Variants in DTNA observed in about 807,000 individuals in gnomAD.
DTNA encodes dystrophin-related protein 3.
Under a neutral mutation model 100.7 loss-of-function variants are expected in DTNA, and 43 were observed. The observed-to-expected ratio is 0.43, with a 90% confidence interval of 0.33 to 0.55. The LOEUF is 0.55. Among genes scored for constraint, DTNA ranks in the 20% least tolerant of loss-of-function variants. DTNA has a pLI of 0.04. For missense variants in DTNA, 798 were observed against 953.9 expected, an observed-to-expected ratio of 0.84 and a Z score of 2.15; for synonymous variants, 349 against 347.9, an observed-to-expected ratio of 1.00 and a Z score of -0.04.
intron 1 of DTNA, among the ~76,000 whole-genome samples, chr18:34,631,549 C>CA (rs1224271564): frequency 6.6e-6 from 1 of 151,906 alleles, no homozygotes; most frequent in Non-Finnish European, 1.5e-5. Flanking sequence ...TTGCAGAAAA[C>CA]AAAAAAGCAA....
chr18:34,745,570 T>C (rs1296969517), intron 1 of DTNA, among the ~76,000 whole-genome samples: 2 of 152,220 alleles, frequency 1.3e-5, no homozygotes, highest in East Asian at 3.8e-4. Flanking sequence ...TTGGGTTGTG[T>C]ATCCAGGTAT....
intron 15 of DTNA, 141 bp from the exon 16 acceptor site, chr18:34,858,144 T>C: frequency 1.3e-6 from 1 of 751,006 alleles, no homozygotes. Flanking sequence ...CACTGGAATC[T>C]GTTGGTTAGG....
chr18:34,594,647 A>G (rs1199077421), intron 1 of DTNA, among the ~76,000 whole-genome samples: 1 of 152,336 alleles, frequency 6.6e-6, no homozygotes, highest in African/African-American at 2.4e-5. Flanking sequence ...TTTGATGAGA[A>G]TAAGTAATAC....
chr18:34,838,708 T>C (rs2096206337), intron 12 of DTNA, 37 bp from the exon 13 acceptor site: 1 of 1,579,568 alleles, frequency 6.3e-7, no homozygotes, highest in Non-Finnish European at 8.7e-7. Context: ...TCCACCTCTC[T>C]TAACAACACG....
At position 34,890,034 on chromosome 18, in the gene DTNA, ACT is replaced by A; in HGVS notation, c.*2302_*2303del. ...AAAATCATAGCCAGGTAGTTCTTGAACTCAGAACTTAAATCCTGCACGTGGCA... is the reference window on the plus strand; with the variant it reads ...AAAATCATAGCCAGGTAGTTCTTGAACAGAACTTAAATCCTGCACGTGGCA... On this transcript the variant is annotated 3_prime_UTR_variant, in exon 23 of 23. Coordinates refer to ENST00000444659, the MANE Select transcript of DTNA (RefSeq NM_001386795.1). The A allele has an allele frequency of 7.8e-7, 1 of 1,287,536 alleles. No homozygotes were observed. Among genetic ancestry groups the A allele is most frequent in the Non-Finnish European group, 9.8e-7 (1 of 1,015,974 alleles). 79.8% of individuals were successfully genotyped at this position (1,287,536 alleles called of 1,614,324 possible). A position where few individuals can be genotyped will look rare whatever the true frequency, so the allele number is the denominator to read the frequency against.
chr18:34,734,027 T>A (rs1032776712), intron 1 of DTNA, among the ~76,000 whole-genome samples: 3 of 152,196 alleles, frequency 2.0e-5, no homozygotes, highest in African/African-American at 7.2e-5. Context: ...GTTCTCCAGA[T>A]TTTTGTTTAT....
chr18:34,806,414 T>C (rs1292533298), intron 5 of DTNA, 110 bp downstream of exon 5: 2 of 918,888 alleles, frequency 2.2e-6, no homozygotes, highest in Non-Finnish European at 3.5e-6. Flanking sequence ...CCTCATTCTA[T>C]GAGAGTTGTT....
intron 1 of DTNA, among the ~76,000 whole-genome samples, chr18:34,546,672 T>A (rs2044812798): frequency 1.3e-5 from 2 of 152,028 alleles, no homozygotes; most frequent in Non-Finnish European, 2.9e-5. Context: ...GGCTAAAATG[T>A]GAGTAATTTG....
chr18:34,580,235 A>G (rs556791162), intron 1 of DTNA, among the ~76,000 whole-genome samples: 56 of 152,120 alleles, frequency 3.7e-4, no homozygotes, highest in African/African-American at 1.3e-3. Flanking sequence ...CTTTTTCATT[A>G]TATCTTTTTA....
intron 1 of DTNA, among the ~76,000 whole-genome samples, chr18:34,610,944 G>A (rs1420061352): frequency 6.6e-6 from 1 of 152,136 alleles, no homozygotes; most frequent in African/African-American, 2.4e-5. Context: ...ATGTCACAAT[G>A]TAACAATACC....
chr18:34,674,373 T>C (rs2077147173), intron 1 of DTNA, among the ~76,000 whole-genome samples: 1 of 152,222 alleles, frequency 6.6e-6, no homozygotes. Flanking sequence ...TACTGTGCTG[T>C]GTGTCAACAA....
intron 1 of DTNA, chr18:34,755,674 C>A (rs1017710384): frequency 2.9e-6 from 1 of 347,582 alleles, no homozygotes; most frequent in Non-Finnish European, 5.5e-6. Flanking sequence ...AAACGAGTCA[C>A]CTAACAGATG....
At chr18:34,774,928 A>G (rs1473351868) in intron 3 of DTNA, among the ~76,000 whole-genome samples, 2 of 152,220 alleles carry the variant, frequency 1.3e-5, no homozygotes, top group African/African-American at 4.8e-5. Context: ...CTCATCAGTT[A>G]TGCTTTCACA....
chr18:34,582,788 A>G (rs775329518), intron 1 of DTNA, among the ~76,000 whole-genome samples: 1 of 152,190 alleles, frequency 6.6e-6, no homozygotes, highest in South Asian at 2.1e-4. Context: ...TAGAAGACTG[A>G]TTTCTCCAGA....
chr18:34,568,786 G>T (rs182195790), intron 1 of DTNA, among the ~76,000 whole-genome samples: 139 of 152,140 alleles, frequency 9.1e-4, no homozygotes, highest in African/African-American at 3.1e-3. Context: ...ACCATGCCTG[G>T]CTAATTTTTG....
At chr18:34,723,909 GAAAA>G (rs1329778230) in intron 1 of DTNA, among the ~76,000 whole-genome samples, 1 of 149,694 alleles carries the variant, frequency 6.7e-6, no homozygotes, top group Non-Finnish European at 1.5e-5. Flanking sequence ...CAAAAAAAAA[GAAAA>G]GAAAGAAAGA....
At chr18:34,766,268 T>C (rs1368624852) in intron 3 of DTNA, among the ~76,000 whole-genome samples, 1 of 152,166 alleles carries the variant, frequency 6.6e-6, no homozygotes, top group Non-Finnish European at 1.5e-5. Context: ...GTTTAGTTCA[T>C]ACTAAAAGGA....
chr18:34,669,761 C>T (rs2076482708), intron 1 of DTNA, among the ~76,000 whole-genome samples: 1 of 152,206 alleles, frequency 6.6e-6, no homozygotes, highest in Admixed American at 6.5e-5. Flanking sequence ...GGCCCCCACT[C>T]TCTTCTGGCT....
At chr18:34,639,061 G>A (rs2058970145) in intron 1 of DTNA, among the ~76,000 whole-genome samples, 1 of 152,214 alleles carries the variant, frequency 6.6e-6, no homozygotes. Context: ...GGCTGGTCTC[G>A]AACTCCTGAC....
Sources: gnomAD v4.1 joint callset for allele counts (sites outside exome capture counted in the v4.1 genomes callset) on GRCh38, gnomAD v4.1.1 for gene constraint, MANE v1.5 for transcripts, NCBI Gene and HGNC (gene_info 2026-07-23, HGNC 2026-07-21) for gene names.